Variants in GRIK3 observed in about 807,000 individuals in gnomAD.
The protein encoded by GRIK3 is glutamate ionotropic receptor kainate type subunit 3.
GRIK3 carries 29 observed loss-of-function variants against 102.5 expected under a neutral mutation model. That is an observed-to-expected ratio of 0.28 (90% CI 0.21 to 0.39). GRIK3 has a LOEUF of 0.39. Ranked by LOEUF, GRIK3 falls within the 10% of genes least tolerant of loss-of-function variation. GRIK3 has a pLI of 1.00. For synonymous variants in GRIK3, 511 were observed against 504.9 expected, an observed-to-expected ratio of 1.01 and a Z score of -0.16; for missense variants, 908 against 1,252.4, an observed-to-expected ratio of 0.73 and a Z score of 4.15.
At position 36,872,306 on chromosome 1, in the gene GRIK3, C is replaced by T. The variant is rs1640851937; in HGVS notation, c.614G>A (p.Arg205His). ...GTCGTCAGAGTCGATGGGGAGCTGA[C>T]GGATCTTCAGGCGGATGTTGTATCT... ...PSRYNIRLKIRQLPIDSDDSR... is the reference protein window; with the variant it reads ...PSRYNIRLKIHQLPIDSDDSR... The change falls in exon 4 of 16, where the codon CGT becomes CAT. Residue 205 changes from arginine to histidine, a missense_variant. Arg to His is a conservative substitution (Grantham distance 29). Coordinates refer to ENST00000373091, the MANE Select transcript of GRIK3 (RefSeq NM_000831.4). The surrounding 1 kb of genome is among the most constrained non-coding windows in gnomAD (Gnocchi z 5.9). 8 of 1,612,652 alleles carry T rather than the reference C, an allele frequency of 5.0e-6. 1 individual carries two copies. Among genetic ancestry groups the T allele is most frequent in the East Asian group, 4.5e-5 (2 of 44,774 alleles).
intron 1 of GRIK3, among the ~76,000 whole-genome samples, chr1:36,936,568 G>C (rs1641659581): frequency 6.6e-6 from 1 of 152,168 alleles, no homozygotes; most frequent in Admixed American, 6.5e-5. Context: ...AAATAGCACT[G>C]TCTGTCCTGC....
chr1:36,856,983 C>T (rs1043251986), intron 7 of GRIK3, among the ~76,000 whole-genome samples: 4 of 152,164 alleles, frequency 2.6e-5, no homozygotes, highest in East Asian at 3.8e-4. Context: ...GCACCTGCTA[C>T]GAGCCAGGCG....
At chr1:36,853,777 G>C in intron 7 of GRIK3, 55 bp from the exon 8 acceptor site, 3 of 930,840 alleles carry the variant, frequency 3.2e-6, no homozygotes, top group Non-Finnish European at 5.4e-6. Context: ...ATCATCATTC[G>C]GTACAACTGT....
intron 10 of GRIK3, among the ~76,000 whole-genome samples, chr1:36,833,369 C>G (rs995918662): frequency 6.6e-6 from 1 of 152,196 alleles, no homozygotes; most frequent in Non-Finnish European, 1.5e-5. Context: ...ACCCTAGCAC[C>G]GATAGCCCTC....
At chr1:36,970,396 A>G (rs753417254) in intron 1 of GRIK3, among the ~76,000 whole-genome samples, 2 of 152,208 alleles carry the variant, frequency 1.3e-5, no homozygotes, top group Non-Finnish European at 2.9e-5. Flanking sequence ...TACTGACTCA[A>G]ATGACATTTC....
chr1:36,841,588 C>T (rs1557699215), intron 10 of GRIK3, 148 bp downstream of exon 10: 3 of 686,996 alleles, frequency 4.4e-6, no homozygotes, highest in East Asian at 2.7e-5. Flanking sequence ...AGCTGAGGCC[C>T]CCCAGTCCTC....
intron 1 of GRIK3, among the ~76,000 whole-genome samples, chr1:36,950,961 C>A (rs1167451967): frequency 6.6e-6 from 1 of 152,212 alleles, no homozygotes; most frequent in Non-Finnish European, 1.5e-5. Context: ...GCCTCTGCTG[C>A]AGACTGGGGC....
chr1:36,814,965 A>G (rs1642608934), intron 13 of GRIK3, among the ~76,000 whole-genome samples: 1 of 152,122 alleles, frequency 6.6e-6, no homozygotes, highest in Admixed American at 6.5e-5. Flanking sequence ...AAATACACAC[A>G]TGTCCCCACA....
In GRIK3 at chr1:36,819,599, C is replaced by G; in HGVS notation, c.1873+137G>C. 1.6e-6 allele frequency: 1 copy of G among 637,986 alleles called. No individual in the cohort carries two copies. Among genetic ancestry groups the G allele is most frequent in the South Asian group, 1.8e-5 (1 of 54,826 alleles). 39.5% of individuals were successfully genotyped at this position (637,986 alleles called of 1,614,324 possible). ...GGCACACACCTGGGTATCTCGATGTCTCCAAACTTCTGCCGGCTCATCAGG... is the reference window on the plus strand; with the variant it reads ...GGCACACACCTGGGTATCTCGATGTGTCCAAACTTCTGCCGGCTCATCAGG... On this transcript the variant is annotated intron_variant, in intron 12 of 15. Coordinates refer to ENST00000373091, the MANE Select transcript of GRIK3 (RefSeq NM_000831.4). This position sits in a 1 kb window ranked among gnomAD's most constrained non-coding sequence, Gnocchi z 4.1.
At chr1:36,844,656 C>T (rs1640499522) in intron 9 of GRIK3, among the ~76,000 whole-genome samples, 1 of 152,152 alleles carries the variant, frequency 6.6e-6, no homozygotes, top group Non-Finnish European at 1.5e-5. Flanking sequence ...AATAATAGAA[C>T]CTGCCTTACA....
intron 1 of GRIK3, among the ~76,000 whole-genome samples, chr1:36,922,334 C>T (rs1641482551): frequency 1.3e-5 from 2 of 152,180 alleles, no homozygotes; most frequent in Admixed American, 1.3e-4. Context: ...TGGGTTCTGC[C>T]CTGTGGCAGG....
At chr1:36,830,360 C>T (rs1021496310) in intron 10 of GRIK3, among the ~76,000 whole-genome samples, 2 of 148,800 alleles carry the variant, frequency 1.3e-5, no homozygotes, top group African/African-American at 2.4e-5. Flanking sequence ...TGAATTATGC[C>T]CCCCCACCCC....
At chr1:36,833,317 A>G (rs1386457051) in intron 10 of GRIK3, among the ~76,000 whole-genome samples, 6 of 152,034 alleles carry the variant, frequency 3.9e-5, no homozygotes, top group Non-Finnish European at 8.8e-5. Flanking sequence ...GGATGAACCC[A>G]CCTGAACATT....
rs200301113 is a variant in GRIK3 at position 36,859,068 on chromosome 1, C to A, written c.1104+40G>T. 20 of 1,553,578 alleles carry A rather than the reference C, an allele frequency of 1.3e-5. No individual in the cohort carries two copies. The African/African-American group carries it at 2.3e-4, about 18-fold the overall frequency. On this transcript the variant is annotated intron_variant, in intron 7 of 15. Coordinates refer to ENST00000373091, the MANE Select transcript of GRIK3 (RefSeq NM_000831.4). ...TCTGCTGCTCTACAGGGCCCACAGT[C>A]CCGGGGAGACAACACTGGTGGGGGC...
chr1:36,882,774 G>A (rs1399426398), intron 2 of GRIK3, among the ~76,000 whole-genome samples: 2 of 152,196 alleles, frequency 1.3e-5, no homozygotes, highest in Non-Finnish European at 2.9e-5. Flanking sequence ...AAAGAGGGGC[G>A]CCTGTCTGTG....
intron 1 of GRIK3, among the ~76,000 whole-genome samples, chr1:37,010,727 C>CTTTTTTTTTT (rs60750637): frequency 9.8e-6 from 1 of 102,486 alleles, no homozygotes; most frequent in East Asian, 2.7e-4. Flanking sequence ...ACCTGTACCA[C>CTTTTTTTTTT]TTTTTTTTTT....
chr1:36,935,968 T>C (rs941971699), intron 1 of GRIK3, among the ~76,000 whole-genome samples: 1 of 152,236 alleles, frequency 6.6e-6, no homozygotes, highest in African/African-American at 2.4e-5. Context: ...TGCACTTTTC[T>C]TGTCTTCCCT....
chr1:37,015,754 G>A lies in GRIK3; in HGVS notation c.115+18240C>T, dbSNP rs146643813. ...GTGGCAGCTTTGGAAAGCCTCCCAC[G>A]TTGCAGTCCAGGAGGGGAATGCGAA... On this transcript the variant is annotated intron_variant, in intron 1 of 15. Transcript: ENST00000373091. Among the ~76,000 whole-genome samples, 888 of 152,292 alleles carry A rather than the reference G, an allele frequency of 5.8e-3. 10 individuals are homozygous for A. The highest frequency in any genetic ancestry group is 0.019 in the African/African-American group (807 of 41,566).
chr1:36,850,090 G>A lies in GRIK3; in HGVS notation c.1326+221C>T. 1.8e-6 allele frequency: 1 copy of A among 547,562 alleles called. No individual in the cohort carries two copies. The highest frequency in any genetic ancestry group is 3.3e-6 in the Non-Finnish European group (1 of 305,580). 33.9% of individuals were successfully genotyped at this position (547,562 alleles called of 1,614,324 possible). On this transcript the variant is annotated intron_variant, in intron 9 of 15. Transcript: ENST00000373091. The surrounding 1 kb of genome is among the most constrained non-coding windows in gnomAD (Gnocchi z 4.0). The stretch of plus-strand genomic sequence containing the variant: ...CAGACATCAAGGACTTGGGGAGTGA[G>A]TGGGAGTGAGACACAAAAACGCAGC...
Sources: allele counts gnomAD v4.1 joint callset (sites outside exome capture counted in the v4.1 genomes callset), GRCh38; gene constraint gnomAD v4.1.1; non-coding constraint Gnocchi (gnomAD v3.1); transcripts MANE v1.5; gene names NCBI Gene and HGNC (gene_info 2026-07-23, HGNC 2026-07-21).